Variants in USP25 observed in about 807,000 individuals in gnomAD.
USP25 encodes ubiquitin specific peptidase 25.
A neutral mutation model predicts 158.5 loss-of-function variants in USP25; 85 were observed. That is an observed-to-expected ratio of 0.54 (90% CI 0.45 to 0.64). The LOEUF (loss-of-function observed/expected upper bound fraction) is 0.64. Ranked by LOEUF, USP25 falls within the 30% of genes least tolerant of loss-of-function variation. The pLI, the probability that USP25 is intolerant of heterozygous loss-of-function variation, is 0.00. For missense variants in USP25, 1,242 were observed against 1,327.3 expected, an observed-to-expected ratio of 0.94 and a Z score of 1.00; for synonymous variants, 464 against 460.4, an observed-to-expected ratio of 1.01 and a Z score of -0.10.
At chr21:15,746,980 A>G (rs1279492138) in intron 1 of USP25, among the ~76,000 whole-genome samples, 2 of 152,164 alleles carry the variant, frequency 1.3e-5, no homozygotes, top group African/African-American at 4.8e-5. Context: ...TTTGTTAAAA[A>G]TGTGTTATTG....
At chr21:15,811,103 T>C (rs367793472) in intron 8 of USP25, 34 bp from the exon 9 acceptor site, 147 of 1,574,068 alleles carry the variant, frequency 9.3e-5, no homozygotes, top group Non-Finnish European at 1.1e-4. Context: ...GTCCGAAAAT[T>C]GTAATCACAT....
intron 20 of USP25, among the ~76,000 whole-genome samples, chr21:15,862,910 T>C (rs542998435): frequency 6.6e-6 from 1 of 152,176 alleles, no homozygotes; most frequent in South Asian, 2.1e-4. Context: ...GTTTATCAGT[T>C]ATTTTTTCTC....
At chr21:15,868,974 G>C (rs1403485143) in intron 22 of USP25, among the ~76,000 whole-genome samples, 1 of 152,150 alleles carries the variant, frequency 6.6e-6, no homozygotes, top group African/African-American at 2.4e-5. Context: ...ACTGGATGTG[G>C]TGGCTCATGC....
intron 4 of USP25, among the ~76,000 whole-genome samples, 162 bp from the exon 5 acceptor site, chr21:15,791,339 AT>A (rs2035579826): frequency 6.6e-6 from 1 of 151,918 alleles, no homozygotes. Context: ...ATGTATTAGC[AT>A]TGACACTGCT....
chr21:15,775,283 T>G (rs963105287), intron 3 of USP25, among the ~76,000 whole-genome samples: 1 of 152,216 alleles, frequency 6.6e-6, no homozygotes, highest in Non-Finnish European at 1.5e-5. Context: ...GCCCATTTGT[T>G]TTACTTGTCA....
intron 3 of USP25, among the ~76,000 whole-genome samples, chr21:15,774,649 A>C (rs1358960765): frequency 6.6e-6 from 1 of 152,198 alleles, no homozygotes; most frequent in Non-Finnish European, 1.5e-5. Context: ...CATACTCTGG[A>C]TATATCGCAG....
intron 1 of USP25, among the ~76,000 whole-genome samples, chr21:15,741,388 A>G (rs984102538): frequency 2.6e-5 from 4 of 151,912 alleles, no homozygotes; most frequent in African/African-American, 7.3e-5. Context: ...GGGCAAATAC[A>G]TAGGTGTAGA....
chr21:15,817,187 T>C (rs1240495493), intron 9 of USP25, among the ~76,000 whole-genome samples: 3 of 149,056 alleles, frequency 2.0e-5, no homozygotes, highest in African/African-American at 5.0e-5. Flanking sequence ...AAAAAAAAAA[T>C]AGTAATCATT....
Position 15,842,392 on chromosome 21 carries a change from A to G in USP25, c.2195-6A>G, listed in dbSNP as rs770964165. 81 of 1,612,290 alleles carry G rather than the reference A, an allele frequency of 5.0e-5. 1 individual carries two copies. Among genetic ancestry groups the G allele is most frequent in the East Asian group, 1.1e-4 (5 of 44,876 alleles). ...TAGATATATAATTGATTCTTTTCTCATGAAGCACAAGCAGCAGGAGACCCA... is the reference window on the plus strand; with the variant it reads ...TAGATATATAATTGATTCTTTTCTCGTGAAGCACAAGCAGCAGGAGACCCA... On this transcript the variant is annotated splice_region_variant and splice_polypyrimidine_tract_variant and intron_variant, in intron 17 of 25. Transcript: ENST00000400183.
intron 1 of USP25, among the ~76,000 whole-genome samples, chr21:15,749,157 T>C (rs1229607214): frequency 6.6e-6 from 1 of 152,214 alleles, no homozygotes; most frequent in African/African-American, 2.4e-5. Flanking sequence ...TACCTATAAG[T>C]TAGCGCCAAA....
At chr21:15,866,163 T>C (rs1601175596) in intron 21 of USP25, 103 bp from the exon 22 acceptor site, 19 of 606,106 alleles carry the variant, frequency 3.1e-5, no homozygotes, top group Non-Finnish European at 4.6e-5. Flanking sequence ...AGTACTGCTG[T>C]TTTTGCTCAG....
At chr21:15,831,273 T>TTC (rs1439119428) in intron 15 of USP25, 128 bp from the exon 16 acceptor site, 2 of 784,538 alleles carry the variant, frequency 2.5e-6, no homozygotes, top group Non-Finnish European at 4.1e-6. Context: ...GCCCAGCCAG[T>TTC]TCTCTCTCAT....
intron 1 of USP25, among the ~76,000 whole-genome samples, chr21:15,730,829 C>G (rs1372046987): frequency 1.3e-5 from 2 of 152,130 alleles, no homozygotes; most frequent in Non-Finnish European, 2.9e-5. Flanking sequence ...AGTAGTGTAC[C>G]AGGCCTGCTA....
intron 23 of USP25, among the ~76,000 whole-genome samples, chr21:15,873,167 T>TGCATTCCTGCAGTGAGCCA (rs1472997381): frequency 6.6e-6 from 1 of 152,122 alleles, no homozygotes; most frequent in Non-Finnish European, 1.5e-5. Flanking sequence ...TGGAATGCAG[T>TGCATTCCTGCAGTGAGCCA]GGTATGATCA....
intron 1 of USP25, among the ~76,000 whole-genome samples, chr21:15,743,032 C>T (rs1021824363): frequency 3.3e-5 from 5 of 152,222 alleles, no homozygotes; most frequent in Non-Finnish European, 7.3e-5. Flanking sequence ...TGGGGAGTCC[C>T]GAGGTCTGAG....
intron 10 of USP25, among the ~76,000 whole-genome samples, chr21:15,821,864 T>G (rs1296592360): frequency 6.6e-6 from 1 of 151,942 alleles, no homozygotes; most frequent in African/African-American, 2.4e-5. Flanking sequence ...CTATTAAAAC[T>G]CATAAAAATG....
chr21:15,803,947 A>AT (rs1422563876), intron 6 of USP25, among the ~76,000 whole-genome samples: 5 of 151,932 alleles, frequency 3.3e-5, no homozygotes. Flanking sequence ...GACCCCTAGA[A>AT]TTTTACAGTG....
intron 20 of USP25, among the ~76,000 whole-genome samples, chr21:15,860,408 G>T (rs540091323): frequency 6.6e-6 from 1 of 152,156 alleles, no homozygotes; most frequent in East Asian, 1.9e-4. Context: ...GCCCACCTTG[G>T]CCTCCCAAAG....
intron 3 of USP25, among the ~76,000 whole-genome samples, chr21:15,767,045 C>G (rs1174385518): frequency 6.6e-6 from 1 of 152,048 alleles, no homozygotes; most frequent in Non-Finnish European, 1.5e-5. Context: ...AACTAGAATA[C>G]TCCTGTCTCA....
Sources: allele counts gnomAD v4.1 joint callset (sites outside exome capture counted in the v4.1 genomes callset), GRCh38; gene constraint gnomAD v4.1.1; transcripts MANE v1.5; gene names NCBI Gene and HGNC (gene_info 2026-07-23, HGNC 2026-07-21).